Variants in SF3B3 observed in about 807,000 individuals in gnomAD.
SF3B3 encodes splicing factor 3b subunit 3.
A neutral mutation model predicts 139.2 loss-of-function variants in SF3B3; 33 were observed. The observed-to-expected ratio is 0.24, with a 90% CI of 0.18 to 0.32. SF3B3 has a LOEUF of 0.32. Among genes scored for constraint, SF3B3 ranks in the 10% least tolerant of loss-of-function variants. SF3B3 has a pLI of 1.00. For missense variants in SF3B3, 818 were observed against 1,509.4 expected (o/e 0.54, Z 7.59); for synonymous variants, 596 against 563.6 (o/e 1.06, Z -0.81).
At chr16:70,552,677 C>T (rs2050338882) in intron 11 of SF3B3, among the ~76,000 whole-genome samples, 1 of 152,180 alleles carries the variant, frequency 6.6e-6, no homozygotes. Flanking sequence ...ACCATTAGAG[C>T]ATGCCCATTG....
Position 70,571,845 on chromosome 16 carries a change from CTG to C in SF3B3, c.*38_*39del, listed in dbSNP as rs758670795. On this transcript the variant is annotated 3_prime_UTR_variant, in exon 26 of 26. Coordinates refer to ENST00000302516, the MANE Select transcript of SF3B3 (RefSeq NM_012426.5). ...CTTTCCCGGTGGGGCTTGCCAGAGA[CTG>C]TGTGTTTTGTTTCCCCCACCACCAT... 5.6e-5 allele frequency: 89 copies of C among 1,587,796 alleles called. No individual in the cohort carries two copies. In the East Asian group the frequency reaches 1.8e-3, roughly 33 times the overall value.
At chr16:70,526,980 T>G in intron 2 of SF3B3, 1 of 559,042 alleles carries the variant, frequency 1.8e-6, no homozygotes, top group East Asian at 3.1e-5. Context: ...TAGTGCCAAG[T>G]CGTGTGCCTA....
intron 15 of SF3B3, among the ~76,000 whole-genome samples, chr16:70,558,304 T>G (rs1303561142): frequency 1.3e-5 from 2 of 151,046 alleles, no homozygotes; most frequent in Non-Finnish European, 2.9e-5. Context: ...AAAATAGAGA[T>G]AGGGTCTCGC....
intron 4 of SF3B3, among the ~76,000 whole-genome samples, chr16:70,531,206 T>G (rs1318761969): frequency 6.6e-6 from 1 of 152,052 alleles, no homozygotes; most frequent in African/African-American, 2.4e-5. Context: ...AGGTGGAGCT[T>G]GCAGTGAGCC....
At chr16:70,567,730 G>C (rs976680368) in intron 21 of SF3B3, among the ~76,000 whole-genome samples, 194 bp downstream of exon 21, 21 of 152,194 alleles carry the variant, frequency 1.4e-4, no homozygotes, top group African/African-American at 5.1e-4. Context: ...CTGTTGCCCA[G>C]GCTGGAGTGC....
chr16:70,529,011 T>A lies in SF3B3; in HGVS notation c.209T>A (p.Leu70Gln). 6.2e-7 allele frequency: 1 copy of A among 1,614,268 alleles called. No homozygotes were observed. The highest frequency in any genetic ancestry group is 8.5e-7 in the Non-Finnish European group (1 of 1,180,054). The change falls in exon 3 of 26, where the codon CTG becomes CAG. Residue 70 changes from leucine (L) to glutamine (Q), a missense_variant. Around this residue, in one of 14 missense-constraint regions of SF3B3, gnomAD observed 144 missense variants for 259.2 expected, o/e 0.56. Transcript: ENST00000302516. The stretch of plus-strand genomic sequence containing the variant: ...ATCCGGTCACTCATGGCCTTTAGGC[T>A]GACAGGTGGCACCAAAGACTACATT... ...GVIRSLMAFR[L>Q]TGGTKDYIVV...
chr16:70,570,991 T>G, intron 24 of SF3B3, 104 bp from the exon 25 acceptor site: 1 of 783,090 alleles, frequency 1.3e-6, no homozygotes, highest in South Asian at 1.4e-5. Flanking sequence ...TTCCCGTGTG[T>G]TTGTGTAGTA....
intron 11 of SF3B3, among the ~76,000 whole-genome samples, chr16:70,552,773 A>G (rs2050339697): frequency 6.6e-6 from 1 of 152,240 alleles, no homozygotes; most frequent in Non-Finnish European, 1.5e-5. Flanking sequence ...TTCACAAAAC[A>G]GTAATTATCC....
intron 9 of SF3B3, among the ~76,000 whole-genome samples, chr16:70,542,271 A>G (rs2050226176): frequency 6.6e-6 from 1 of 152,236 alleles, no homozygotes; most frequent in Admixed American, 6.5e-5. Flanking sequence ...ACTCCACAGT[A>G]TTCTGTGGTT....
intron 15 of SF3B3, among the ~76,000 whole-genome samples, chr16:70,559,260 A>G (rs768441589): frequency 1.3e-5 from 2 of 152,202 alleles, no homozygotes; most frequent in Admixed American, 6.5e-5. Flanking sequence ...TTCTTTGCTT[A>G]CTATAAGTAC....
rs1442982798 is a variant in SF3B3, at chr16:70,572,263, A to T, written c.*450A>T. 2 of 340,064 alleles carry T rather than the reference A, an allele frequency of 5.9e-6. No homozygotes were observed. The highest frequency in any genetic ancestry group is 4.4e-5 in the African/African-American group (2 of 45,632). 21.1% of individuals were successfully genotyped at this position (340,064 alleles called of 1,614,324 possible). On this transcript the variant is annotated 3_prime_UTR_variant, in exon 26 of 26. Transcript: ENST00000302516. ...CACTCCTGAGTTCCACTGCTCTAGA[A>T]TCTAACCAGAAATAGAAACCTAGTT...
chr16:70,543,391 C>G (rs116589168), intron 9 of SF3B3, among the ~76,000 whole-genome samples: 9 of 142,898 alleles, frequency 6.3e-5, no homozygotes, highest in Admixed American at 2.2e-4. Context: ...GCCTGGGTAA[C>G]GAGCGAAACC....
intron 6 of SF3B3, chr16:70,538,006 A>G: frequency 1.8e-6 from 1 of 552,614 alleles, no homozygotes. Context: ...AGTGTTTCAC[A>G]GCCTGAAATG....
chr16:70,532,637 G>A lies in SF3B3; in HGVS notation c.712+17G>A. 6.2e-7 allele frequency: 1 copy of A among 1,613,582 alleles called. No individual in the cohort carries two copies. The highest frequency in any genetic ancestry group is 8.5e-7 in the Non-Finnish European group (1 of 1,179,546). The stretch of plus-strand genomic sequence containing the variant: ...TTATTACAGGTACTTTTCTTTCAGA[G>A]CTGCTTTGTACCCTTTTACTTGGTT... On this transcript the variant is annotated intron_variant, in intron 5 of 25. Coordinates refer to ENST00000302516, the MANE Select transcript of SF3B3 (RefSeq NM_012426.5).
Position 70,575,006 on chromosome 16 carries a change from C to G in SF3B3, c.*3193C>G, listed in dbSNP as rs975270572. 2 of 152,012 alleles carry G rather than the reference C, an allele frequency of 1.3e-5. No homozygotes were observed. Among genetic ancestry groups the G allele is most frequent in the Non-Finnish European group, 1.5e-5 (1 of 68,022 alleles). The allele number at this position is 152,012 out of a possible 1,614,324, so 9.4% of individuals were successfully genotyped here. A position where few individuals can be genotyped will look rare whatever the true frequency, so the allele number is the denominator to read the frequency against. Reference sequence around the variant, plus strand: ...ACGGAGGAAAGGAATAGATGGCTCTCGAGGACAAGATAGGGACTCTTAAAA... The same window carrying G: ...ACGGAGGAAAGGAATAGATGGCTCTGGAGGACAAGATAGGGACTCTTAAAA... On this transcript the variant is annotated 3_prime_UTR_variant, in exon 26 of 26. Coordinates refer to ENST00000302516, the MANE Select transcript of SF3B3 (RefSeq NM_012426.5).
rs530486642 is a variant in SF3B3, at chr16:70,535,208, A to G, written c.713-100A>G. 8.4e-6 allele frequency: 5 copies of G among 591,744 alleles called. No homozygotes were observed. The African/African-American group carries it at 9.4e-5, about 11-fold the overall frequency. 36.7% of individuals were successfully genotyped at this position (591,744 alleles called of 1,614,324 possible). ...TGAAATGTTTCTTAGCATCAGGCAC[A>G]TTACCATCATCAAGTTGTGCTGAAA... On this transcript the variant is annotated intron_variant, in intron 5 of 25. Transcript: ENST00000302516.
At chr16:70,533,815 C>T (rs1425351584) in intron 5 of SF3B3, among the ~76,000 whole-genome samples, 4 of 152,184 alleles carry the variant, frequency 2.6e-5, no homozygotes, top group East Asian at 1.9e-4. Context: ...TTTGTTAATA[C>T]GTTAAGCAGA....
At chr16:70,569,373 T>C (rs1016395690) in intron 23 of SF3B3, among the ~76,000 whole-genome samples, 25 of 152,340 alleles carry the variant, frequency 1.6e-4, no homozygotes, top group African/African-American at 5.5e-4. Flanking sequence ...GGGCTTTACT[T>C]TCTCCTGTAG....
Position 70,560,489 on chromosome 16 carries a change from T to C in SF3B3, c.2031T>C (p.Thr677=), listed in dbSNP as rs1168999229. The C allele has an allele frequency of 1.2e-6, 2 of 1,613,790 alleles. No individual in the cohort carries two copies. Among genetic ancestry groups the C allele is most frequent in the Middle Eastern group, 1.7e-4 (1 of 6,056 alleles). ...ATTAGAACGGTGTGCTGCTGAGGAC[T>C]GTCTTGGACCCTGTCACTGGGGATT... ...IGLQNGVLLR[T]VLDPVTGDLS... Residue 677 remains threonine, a synonymous_variant, in exon 16 of 26, where the codon ACT becomes ACC. Transcript: ENST00000302516.
Sources: allele counts gnomAD v4.1 joint callset (sites outside exome capture counted in the v4.1 genomes callset), GRCh38; gene constraint gnomAD v4.1.1; regional missense constraint gnomAD v4.1.1; transcripts MANE v1.5; gene names NCBI Gene and HGNC (gene_info 2026-07-23, HGNC 2026-07-21).